Variants in RANBP9 observed in about 807,000 individuals in gnomAD.
RANBP9 encodes the protein RAN binding protein 9.
A neutral mutation model predicts 84.3 loss-of-function variants in RANBP9; 15 were observed. That is an observed-to-expected ratio of 0.18 (90% CI 0.12 to 0.27). RANBP9 has a LOEUF of 0.27. Among genes scored for constraint, RANBP9 ranks in the 10% least tolerant of loss-of-function variants. The probability of loss-of-function intolerance (pLI) is 1.00; values close to 1 mark genes in which losing one functional copy is unlikely to be tolerated. For synonymous variants in RANBP9, 392 were observed against 349.6 expected (o/e 1.12, Z -1.35); for missense variants, 809 against 912.8 (o/e 0.89, Z 1.46).
chr6:13,706,827 C>A (rs1048966209), intron 1 of RANBP9, among the ~76,000 whole-genome samples: 1 of 151,894 alleles, frequency 6.6e-6, no homozygotes, highest in African/African-American at 2.4e-5. Flanking sequence ...CATGGTGAAA[C>A]CCCGTCTCTA....
intron 2 of RANBP9, among the ~76,000 whole-genome samples, chr6:13,662,975 A>G (rs1267995032): frequency 6.6e-6 from 1 of 152,066 alleles, no homozygotes; most frequent in African/African-American, 2.4e-5. Flanking sequence ...CAAAATACAT[A>G]TAACCAATCC....
At chr6:13,635,885 G>A (rs1764926315) in intron 10 of RANBP9, among the ~76,000 whole-genome samples, 1 of 151,182 alleles carries the variant, frequency 6.6e-6, no homozygotes, top group Non-Finnish European at 1.5e-5. Flanking sequence ...AAGAGCCTCT[G>A]AGGTATGATC....
At chr6:13,634,140 A>T (rs1369815751) in intron 11 of RANBP9, among the ~76,000 whole-genome samples, 1 of 152,210 alleles carries the variant, frequency 6.6e-6, no homozygotes, top group Non-Finnish European at 1.5e-5. Context: ...CTCCAACCTA[A>T]AATAGCCTAG....
At chr6:13,687,505 C>G (rs1358341340) in intron 2 of RANBP9, among the ~76,000 whole-genome samples, 1 of 151,870 alleles carries the variant, frequency 6.6e-6, no homozygotes, top group Non-Finnish European at 1.5e-5. Flanking sequence ...AAAAAAAATC[C>G]TCTTCTGGTA....
At chr6:13,698,016 C>T (rs897191573) in intron 1 of RANBP9, among the ~76,000 whole-genome samples, 1 of 152,170 alleles carries the variant, frequency 6.6e-6, no homozygotes, top group Non-Finnish European at 1.5e-5. Flanking sequence ...ATACAATCAT[C>T]ACACATGAAT....
intron 10 of RANBP9, 105 bp downstream of exon 10, chr6:13,637,699 CAGAG>C: frequency 8.5e-7 from 1 of 1,175,160 alleles, no homozygotes; most frequent in Non-Finnish European, 1.2e-6. Context: ...TAAGAACTCC[CAGAG>C]CCCCTCTGTG....
chr6:13,707,986 A>G (rs1346620992), intron 1 of RANBP9, among the ~76,000 whole-genome samples: 1 of 152,222 alleles, frequency 6.6e-6, no homozygotes. Flanking sequence ...TTTCACATAT[A>G]CTATACATAC....
intron 2 of RANBP9, among the ~76,000 whole-genome samples, chr6:13,691,722 G>A (rs1310188277): frequency 2.0e-5 from 3 of 152,104 alleles, no homozygotes; most frequent in African/African-American, 7.2e-5. Context: ...ACGGAGTGCA[G>A]TGGCGTGATG....
At chr6:13,626,210 A>C (rs966928529) in intron 12 of RANBP9, among the ~76,000 whole-genome samples, 9 of 152,228 alleles carry the variant, frequency 5.9e-5, no homozygotes, top group African/African-American at 1.9e-4. Flanking sequence ...CATCTTCTCA[A>C]ATTCAGTTAT....
chr6:13,685,540 G>A (rs1407807689), intron 2 of RANBP9, among the ~76,000 whole-genome samples: 5 of 151,984 alleles, frequency 3.3e-5, no homozygotes, highest in African/African-American at 4.8e-5. Flanking sequence ...CTATGAATGC[G>A]CCACTGCACT....
intron 5 of RANBP9, among the ~76,000 whole-genome samples, chr6:13,646,949 C>T (rs1765186195): frequency 6.6e-6 from 1 of 152,138 alleles, no homozygotes; most frequent in African/African-American, 2.4e-5. Flanking sequence ...TTAATGCGCA[C>T]TTAAAAATAA....
rs1764450584 is a variant in RANBP9 at position 13,621,682 on chromosome 6, T to G, written c.*680A>C. 6.6e-6 allele frequency: 1 copy of G among 152,636 alleles called. No individual in the cohort carries two copies. The highest frequency in any genetic ancestry group is 6.5e-5 in the Admixed American group (1 of 15,284). 9.5% of individuals were successfully genotyped at this position (152,636 alleles called of 1,614,324 possible). ...ACCACACCGTTGACATGTAATACTGTTATAATACAACAGTTAAACTTGTGA... is the reference window on the plus strand; with the variant it reads ...ACCACACCGTTGACATGTAATACTGGTATAATACAACAGTTAAACTTGTGA... On this transcript the variant is annotated 3_prime_UTR_variant, in exon 14 of 14. Coordinates refer to ENST00000011619, the MANE Select transcript of RANBP9 (RefSeq NM_005493.3).
intron 2 of RANBP9, among the ~76,000 whole-genome samples, chr6:13,667,613 T>TACCACAC (rs1163785478): frequency 2.0e-5 from 3 of 152,194 alleles, no homozygotes; most frequent in African/African-American, 7.2e-5. Flanking sequence ...ATTTTTACTG[T>TACCACAC]ATCTTTCCTA....
At chr6:13,635,336 CG>C (rs1562298668) in intron 10 of RANBP9, among the ~76,000 whole-genome samples, 4 of 152,060 alleles carry the variant, frequency 2.6e-5, no homozygotes, top group African/African-American at 9.7e-5. Context: ...CAGAACCATC[CG>C]CACTCTTATA....
intron 1 of RANBP9, among the ~76,000 whole-genome samples, chr6:13,698,499 T>C (rs1444802731): frequency 1.3e-5 from 2 of 152,202 alleles, no homozygotes; most frequent in Non-Finnish European, 2.9e-5. Flanking sequence ...AAACTACATA[T>C]TTAAAAATTA....
Position 13,711,241 on chromosome 6 carries a change from G to T in RANBP9, c.265C>A (p.Pro89Thr). 4 of 990,090 alleles carry T rather than the reference G, an allele frequency of 4.0e-6. No individual in the cohort carries two copies. Among genetic ancestry groups the T allele is most frequent in the South Asian group, 4.5e-5 (1 of 22,038 alleles). The allele number at this position is 990,090 out of a possible 1,614,324, so 61.3% of individuals were successfully genotyped here. A position where few individuals can be genotyped will look rare whatever the true frequency, so the allele number is the denominator to read the frequency against. Reference sequence around the variant, plus strand: ...GCAGCCGCTGAGGCAGGGGGAGGCGGGGGCGGCGGCGGGGGCGGCGGGGCC... The same window carrying T: ...GCAGCCGCTGAGGCAGGGGGAGGCGTGGGCGGCGGCGGGGGCGGCGGGGCC... The part of the protein sequence containing the change: ...TAAPPPPPPP[P>T]PPPASAAAPA... The change falls in exon 1 of 14, where the codon CCG becomes ACG. Residue 89 changes from proline (P) to threonine (T), a missense_variant. Physicochemically the swap from Pro to Thr is conservative, Grantham distance 38 (BLOSUM62 -1). Transcript: ENST00000011619.
At chr6:13,623,016 A>C (rs1159063822) in intron 13 of RANBP9, among the ~76,000 whole-genome samples, 1 of 151,780 alleles carries the variant, frequency 6.6e-6, no homozygotes, top group East Asian at 1.9e-4. Flanking sequence ...GGTGACAGTG[A>C]GAGAACATAC....
chr6:13,696,042 G>A (rs970845369), intron 2 of RANBP9, among the ~76,000 whole-genome samples: 3 of 151,192 alleles, frequency 2.0e-5, no homozygotes, highest in Non-Finnish European at 2.9e-5. Context: ...AATACTATAG[G>A]ATAGATCCAA....
intron 1 of RANBP9, among the ~76,000 whole-genome samples, chr6:13,702,833 T>C (rs1758007479): frequency 6.6e-6 from 1 of 152,190 alleles, no homozygotes; most frequent in African/African-American, 2.4e-5. Flanking sequence ...CTCTACTTGG[T>C]CCTTTCATTT....
Sources: gnomAD v4.1 joint callset for allele counts (sites outside exome capture counted in the v4.1 genomes callset) on GRCh38, gnomAD v4.1.1 for gene constraint, MANE v1.5 for transcripts, NCBI Gene and HGNC (gene_info 2026-07-23, HGNC 2026-07-21) for gene names.